Variants in GSG1L observed in about 807,000 individuals in gnomAD.
GSG1L encodes the protein GSG1 like, also known as germ cell-specific gene 1-like protein.
GSG1L carries 24 observed loss-of-function variants against 42.1 expected under a neutral mutation model. That is an observed-to-expected ratio of 0.57 (90% CI 0.41 to 0.80). GSG1L has a LOEUF of 0.80. GSG1L is among the 30% of genes least tolerant of loss of function. GSG1L has a pLI of 0.00. For synonymous variants in GSG1L, 215 were observed against 203.5 expected (o/e 1.06, Z -0.48); for missense variants, 445 against 472.2 (o/e 0.94, Z 0.53).
chr16:27,804,502 CT>C (rs1447758640), intron 6 of GSG1L, among the ~76,000 whole-genome samples: 2 of 151,634 alleles, frequency 1.3e-5, no homozygotes, highest in Non-Finnish European at 2.9e-5. Context: ...CTGAATGATT[CT>C]CTCTCCCCTC....
chr16:28,061,216 T>A (rs537029886), intron 1 of GSG1L, among the ~76,000 whole-genome samples: 8 of 152,332 alleles, frequency 5.3e-5, no homozygotes, highest in South Asian at 2.1e-4. Context: ...GACGAAGATG[T>A]TCCTGACAAC....
At chr16:28,027,549 C>G (rs936464425) in intron 1 of GSG1L, among the ~76,000 whole-genome samples, 6 of 152,034 alleles carry the variant, frequency 3.9e-5, no homozygotes, top group Non-Finnish European at 7.4e-5. Flanking sequence ...GTGACTGGTA[C>G]AAATGAGGAA....
At chr16:27,803,808 T>C (rs1314919443) in intron 6 of GSG1L, among the ~76,000 whole-genome samples, 1 of 143,238 alleles carries the variant, frequency 7.0e-6, no homozygotes, top group Non-Finnish European at 1.5e-5. Flanking sequence ...TAGATAGATA[T>C]AGATATAGAT....
In GSG1L at chr16:27,790,154, GGAT is replaced by G. The variant is rs1313553381; in HGVS notation, c.*1213_*1215del. 1.3e-5 allele frequency: 2 copies of G among 151,794 alleles called. No individual in the cohort carries two copies. The highest frequency in any genetic ancestry group is 4.8e-5 in the African/African-American group (2 of 41,294). The allele number at this position is 151,794 out of a possible 1,614,324, so 9.4% of individuals were successfully genotyped here. A position where few individuals can be genotyped will look rare whatever the true frequency, so the allele number is the denominator to read the frequency against. On this transcript the variant is annotated 3_prime_UTR_variant, in exon 7 of 7. Coordinates refer to ENST00000447459, the MANE Select transcript of GSG1L (RefSeq NM_001109763.2). ...GAAAGATGAATTATGAATGATGGAT[GGAT>G]GATGAATGATGGATGGATAATAGAT...
chr16:27,933,795 G>T (rs757102280), intron 2 of GSG1L, among the ~76,000 whole-genome samples: 28 of 152,226 alleles, frequency 1.8e-4, no homozygotes, highest in Middle Eastern at 3.4e-3. Context: ...AATTCCAGAG[G>T]GGTCTTCCAA....
intron 1 of GSG1L, among the ~76,000 whole-genome samples, chr16:27,997,035 T>A (rs2085521571): frequency 6.6e-6 from 1 of 152,190 alleles, no homozygotes; most frequent in South Asian, 2.1e-4. Flanking sequence ...GTGCTGGGAT[T>A]CCAGGCATGA....
At chr16:27,863,066 C>A (rs1357663295) in intron 3 of GSG1L, among the ~76,000 whole-genome samples, 1 of 152,064 alleles carries the variant, frequency 6.6e-6, no homozygotes, top group East Asian at 1.9e-4. Context: ...TGTTAAAAAT[C>A]TCTATCACTG....
chr16:28,029,035 A>G (rs1341785867), intron 1 of GSG1L, among the ~76,000 whole-genome samples: 2 of 152,160 alleles, frequency 1.3e-5, no homozygotes, highest in Non-Finnish European at 2.9e-5. Context: ...AACCTACGGA[A>G]AGCACCTTGC....
chr16:27,946,629 GAGAAAGAAAGAAAGAAAGAAAGAAAGAAA>G (rs2084871216), intron 2 of GSG1L, among the ~76,000 whole-genome samples: 2 of 40,216 alleles, frequency 5.0e-5, no homozygotes, highest in African/African-American at 9.1e-5. Context: ...GAGAGAGAGA[GAGAAAGAAAGAAAGAAAGAAAGAAAGAAA>G]AGAAAGAAAG....
chr16:27,940,212 G>A (rs1186676093), intron 2 of GSG1L, among the ~76,000 whole-genome samples: 1 of 152,130 alleles, frequency 6.6e-6, no homozygotes, highest in East Asian at 1.9e-4. Context: ...AACAGGTTCT[G>A]GAGAGGATGT....
intron 3 of GSG1L, among the ~76,000 whole-genome samples, chr16:27,874,320 A>C (rs1407877753): frequency 2.0e-5 from 3 of 151,954 alleles, no homozygotes; most frequent in Non-Finnish European, 4.4e-5. Context: ...GCCTGACCTC[A>C]AGGAGGAGAG....
At chr16:27,831,358 G>A (rs1401572976) in intron 4 of GSG1L, among the ~76,000 whole-genome samples, 1 of 152,052 alleles carries the variant, frequency 6.6e-6, no homozygotes, top group African/African-American at 2.4e-5. Context: ...TTTCTACCCT[G>A]AAGCCAGTTT....
At chr16:28,028,291 G>A (rs2085922558) in intron 1 of GSG1L, among the ~76,000 whole-genome samples, 1 of 152,118 alleles carries the variant, frequency 6.6e-6, no homozygotes, top group Non-Finnish European at 1.5e-5. Context: ...CAGGCAGGTA[G>A]AAAATAATCC....
At position 27,955,924 on chromosome 16, in the gene GSG1L, GGAAA is replaced by G. The variant is rs1201202747; in HGVS notation, c.397+7228_397+7231del. 4.6e-3 allele frequency among the ~76,000 whole-genome samples: 629 copies of G among 137,964 alleles called. 10 individuals are homozygous for G. Among genetic ancestry groups the G allele is most frequent in the African/African-American group, 0.02 (608 of 30,118 alleles). 90.5% of individuals were successfully genotyped at this position (137,964 alleles called of 152,430 possible). On this transcript the variant is annotated intron_variant, in intron 2 of 6. Transcript: ENST00000447459. ...AGGAAGGAAGGAAGGAAGGAAGGAA[GGAAA>G]GAAGGAAGGAAGGAAGGGAGGAAGG...
At chr16:27,966,491 G>C (rs919740594) in intron 1 of GSG1L, among the ~76,000 whole-genome samples, 2 of 147,410 alleles carry the variant, frequency 1.4e-5, no homozygotes, top group African/African-American at 4.9e-5. Context: ...ACCCCATCTA[G>C]GAAAAAGGAA....
Position 28,028,307 on chromosome 16 carries a change from G to A in GSG1L, c.349+34769C>T, listed in dbSNP as rs544759118. On this transcript the variant is annotated intron_variant, in intron 1 of 6. Transcript: ENST00000447459. ...AGGCAGGTAGAAAATAATCCCTCAT[G>A]TTGACTATTTTTATTATTTTCATCC... Among the ~76,000 whole-genome samples, 17 of 152,212 alleles carry A rather than the reference G, an allele frequency of 1.1e-4. No individual in the cohort carries two copies. The East Asian group carries it at 2.9e-3, about 26-fold the overall frequency.
chr16:28,009,001 G>T (rs1014328234), intron 1 of GSG1L, among the ~76,000 whole-genome samples: 1 of 152,110 alleles, frequency 6.6e-6, no homozygotes, highest in South Asian at 2.1e-4. Flanking sequence ...TAGAGACAGG[G>T]TTTCGTCATG....
intron 2 of GSG1L, among the ~76,000 whole-genome samples, chr16:27,907,794 C>T (rs977167410): frequency 2.7e-4 from 41 of 152,346 alleles, no homozygotes; most frequent in African/African-American, 8.7e-4. Flanking sequence ...TAATCAATCT[C>T]TTCTATCCCC....
At chr16:28,023,318 G>A (rs575853727) in intron 1 of GSG1L, among the ~76,000 whole-genome samples, 1 of 152,186 alleles carries the variant, frequency 6.6e-6, no homozygotes, top group East Asian at 1.9e-4. Flanking sequence ...TTTAGTGGCT[G>A]CAGCACATTC....
Sources: gnomAD v4.1 joint callset for allele counts (sites outside exome capture counted in the v4.1 genomes callset) on GRCh38, gnomAD v4.1.1 for gene constraint, MANE v1.5 for transcripts, NCBI Gene and HGNC (gene_info 2026-07-23, HGNC 2026-07-21) for gene names.